The following SEMA3A variants were observed in gnomAD, a reference collection of about 807,000 sequenced individuals.
SEMA3A encodes the protein semaphorin 3A, also known as semaphorin-3A.
SEMA3A carries 29 observed loss-of-function variants against 97.9 expected under a neutral mutation model. The ratio of observed to expected loss-of-function variants is 0.30; its 90% CI spans 0.22 to 0.40. SEMA3A has a LOEUF of 0.40. Among genes scored for constraint, SEMA3A ranks in the 10% least tolerant of loss-of-function variants. The pLI, the probability that SEMA3A is intolerant of heterozygous loss-of-function variation, is 1.00. For missense variants in SEMA3A, 763 were observed against 951.3 expected (o/e 0.80, Z 2.60); for synonymous variants, 321 against 323.7 (o/e 0.99, Z 0.09).
intron 2 of SEMA3A, among the ~76,000 whole-genome samples, chr7:84,348,478 T>C (rs926240076): frequency 1.3e-5 from 2 of 152,192 alleles, no homozygotes; most frequent in African/African-American, 4.8e-5. Flanking sequence ...ATTATCTTTT[T>C]CAGAAGAGAA....
intron 1 of SEMA3A, among the ~76,000 whole-genome samples, chr7:84,484,033 A>C (rs1453879347): frequency 2.0e-5 from 3 of 151,886 alleles, no homozygotes; most frequent in Non-Finnish European, 4.4e-5. Context: ...AACAAGAGTG[A>C]AACTCTGTCT....
chr7:84,365,094 G>C (rs1295935895), intron 2 of SEMA3A, among the ~76,000 whole-genome samples: 5 of 151,568 alleles, frequency 3.3e-5, no homozygotes, highest in African/African-American at 1.2e-4. Flanking sequence ...ATTAGGAATA[G>C]TAATATAGGA....
At chr7:84,072,733 T>C (rs1793788936) in intron 4 of SEMA3A, among the ~76,000 whole-genome samples, 1 of 152,114 alleles carries the variant, frequency 6.6e-6, no homozygotes, top group Admixed American at 6.6e-5. Context: ...CAACAAAAAT[T>C]ATATAACAAT....
intron 5 of SEMA3A, among the ~76,000 whole-genome samples, chr7:84,054,966 T>C (rs1218260817): frequency 1.3e-5 from 2 of 152,124 alleles, no homozygotes; most frequent in Non-Finnish European, 2.9e-5. Context: ...CCCTGCCATG[T>C]GAGGTGTCAG....
chr7:84,092,914 T>G (rs3801617), intron 4 of SEMA3A, among the ~76,000 whole-genome samples: 62,718 of 151,914 alleles, frequency 0.41, 14,813 homozygotes, highest in Non-Finnish European at 0.52. Context: ...TTAGGTCATA[T>G]GTATACAAGG....
chr7:84,480,652 T>C (rs1186559319), intron 1 of SEMA3A, among the ~76,000 whole-genome samples: 1 of 152,148 alleles, frequency 6.6e-6, no homozygotes, highest in East Asian at 1.9e-4. Flanking sequence ...ATTCATCTCT[T>C]TTTGAATTTT....
intron 3 of SEMA3A, among the ~76,000 whole-genome samples, chr7:84,123,094 G>T (rs1475751262): frequency 6.6e-6 from 1 of 152,062 alleles, no homozygotes; most frequent in Non-Finnish European, 1.5e-5. Context: ...AAAGAGAGAT[G>T]GTTTAGTAGG....
chr7:84,337,959 A>T (rs1802077440), intron 2 of SEMA3A, among the ~76,000 whole-genome samples: 1 of 152,130 alleles, frequency 6.6e-6, no homozygotes, highest in Admixed American at 6.6e-5. Context: ...CCCACTGGTC[A>T]GGGACAGAAA....
chr7:83,965,492 G>C (rs1332824486), intron 15 of SEMA3A, among the ~76,000 whole-genome samples: 1 of 149,814 alleles, frequency 6.7e-6, no homozygotes, highest in Non-Finnish European at 1.5e-5. Flanking sequence ...GAAAACTATG[G>C]TATAAATTAC....
intron 3 of SEMA3A, among the ~76,000 whole-genome samples, chr7:84,214,025 C>T (rs931166920): frequency 6.6e-6 from 1 of 152,140 alleles, no homozygotes; most frequent in African/African-American, 2.4e-5. Flanking sequence ...GGTTTTGTGA[C>T]ATTTATGTTT....
intron 6 of SEMA3A, among the ~76,000 whole-genome samples, chr7:84,020,326 G>A (rs377110560): frequency 2.2e-4 from 33 of 151,644 alleles, no homozygotes; most frequent in African/African-American, 7.5e-4. Flanking sequence ...TTACAGGTGT[G>A]AGCCACTATG....
In SEMA3A at chr7:83,957,403, G is replaced by A. The variant is rs1788313625; in HGVS notation, c.*3968C>T. On this transcript the variant is annotated 3_prime_UTR_variant, in exon 17 of 17. Coordinates refer to ENST00000265362, the MANE Select transcript of SEMA3A (RefSeq NM_006080.3). ...TCAGTGGAATTTACTTGAACGTGTAGGAAGCTGGTTCTAAAAGGCAAAGTG... is the reference window on the plus strand; with the variant it reads ...TCAGTGGAATTTACTTGAACGTGTAAGAAGCTGGTTCTAAAAGGCAAAGTG... 6.6e-6 allele frequency: 1 copy of A among 152,094 alleles called. No homozygotes were observed. Among genetic ancestry groups the A allele is most frequent in the African/African-American group, 2.4e-5 (1 of 41,438 alleles). 9.4% of individuals were successfully genotyped at this position (152,094 alleles called of 1,614,324 possible). A position where few individuals can be genotyped will look rare whatever the true frequency, so the allele number is the denominator to read the frequency against.
chr7:84,136,850 G>T (rs1321479295), intron 1 of SEMA3A, among the ~76,000 whole-genome samples: 1 of 151,056 alleles, frequency 6.6e-6, no homozygotes, highest in Admixed American at 6.6e-5. Flanking sequence ...TTCTTCATGA[G>T]AAATAGTACA....
chr7:83,999,408 C>T (rs1256023306), intron 12 of SEMA3A, among the ~76,000 whole-genome samples: 1 of 149,360 alleles, frequency 6.7e-6, no homozygotes, highest in African/African-American at 2.5e-5. Context: ...AAATTATGCA[C>T]ATTCTAATTC....
In SEMA3A at chr7:83,963,337, A is replaced by G; in HGVS notation, c.1728T>C (p.His576=). ...TGATTCTCTCTTCAGGGCTGTGGCC[A>G]TGGTGATTATCTGGCCAGTGATGAG... ...HCSDLHHDNH[H]GHSPEERIIY... Residue 576 remains histidine (H), a synonymous_variant, in exon 16 of 17, where the codon CAT becomes CAC. Coordinates refer to ENST00000265362, the MANE Select transcript of SEMA3A (RefSeq NM_006080.3). The G allele has an allele frequency of 1.2e-6, 2 of 1,612,698 alleles. No individual in the cohort carries two copies.
Position 84,396,953 on chromosome 7 carries a change from G to C in SEMA3A, c.-245-25053C>G, listed in dbSNP as rs188460185. ...TACACATAATTCTGATGATGTCTTTGTATCAATATCCAATGTAAGCTAACA... is the reference window on the plus strand; with the variant it reads ...TACACATAATTCTGATGATGTCTTTCTATCAATATCCAATGTAAGCTAACA... On this transcript the variant is annotated intron_variant, in intron 1 of 3. Transcript: ENST00000424555. 1.1e-4 allele frequency among the ~76,000 whole-genome samples: 17 copies of C among 151,982 alleles called. No individual in the cohort carries two copies. In the East Asian group the frequency reaches 3.1e-3, roughly 28 times the overall value.
At chr7:84,062,753 T>A (rs1404124504) in intron 4 of SEMA3A, among the ~76,000 whole-genome samples, 7 of 152,316 alleles carry the variant, frequency 4.6e-5, no homozygotes, top group Non-Finnish European at 1.0e-4. Context: ...ATCCCGCACC[T>A]GGCTTGGAGG....
chr7:84,029,584 T>C (rs773951879), intron 6 of SEMA3A, among the ~76,000 whole-genome samples: 2 of 152,184 alleles, frequency 1.3e-5, no homozygotes, highest in African/African-American at 4.8e-5. Flanking sequence ...AGGTCTTCAA[T>C]AAATAAATTC....
At chr7:84,470,427 A>G (rs1368211667) in intron 1 of SEMA3A, among the ~76,000 whole-genome samples, 1 of 152,144 alleles carries the variant, frequency 6.6e-6, no homozygotes, top group Non-Finnish European at 1.5e-5. Context: ...TGAACAGAAG[A>G]AGACAGTAAC....
Sources: gnomAD v4.1 joint callset for allele counts (sites outside exome capture counted in the v4.1 genomes callset) on GRCh38, gnomAD v4.1.1 for gene constraint, MANE v1.5 for transcripts, NCBI Gene and HGNC (gene_info 2026-07-23, HGNC 2026-07-21) for gene names.